The following KANK1 variants were observed in gnomAD, a reference collection of about 807,000 sequenced individuals.
The protein encoded by KANK1 is KN motif and ankyrin repeat domain-containing protein 1.
KANK1 carries 109 observed loss-of-function variants against 106.2 expected under a neutral mutation model. The ratio of observed to expected loss-of-function variants is 1.03; its 90% CI spans 0.88 to 1.20. The LOEUF is 1.20. Ranked by LOEUF, KANK1 falls within the 50% of genes most tolerant of loss-of-function variation. The pLI, the probability that KANK1 is intolerant of heterozygous loss-of-function variation, is 0.00. For missense variants in KANK1, 2,399 were observed against 1,710.7 expected (o/e 1.40, Z -7.10); for synonymous variants, 873 against 652.2 (o/e 1.34, Z -5.16).
chr9:611,609 C>T (rs561309879), intron 1 of KANK1, among the ~76,000 whole-genome samples: 1 of 152,278 alleles, frequency 6.6e-6, no homozygotes, highest in South Asian at 2.1e-4. Flanking sequence ...AAATTCAGAA[C>T]CTTTGACACT....
At position 743,702 on chromosome 9, in the gene KANK1, C is replaced by CA. The variant is rs199588404; in HGVS notation, c.3898-779dup. ...CAACATAGTGAGACTCCCATCTCTA[C>CA]AAAAAAAAAATTATCTAGGTGTGGT... On this transcript the variant is annotated intron_variant, in intron 10 of 11. Transcript: ENST00000382297. Among the ~76,000 whole-genome samples, 941 of 148,466 alleles carry CA rather than the reference C, an allele frequency of 6.3e-3. 13 individuals are homozygous for CA. The highest frequency in any genetic ancestry group is 0.052 in the East Asian group (264 of 5,084).
chr9:710,635 A>C (rs978166969), intron 2 of KANK1, among the ~76,000 whole-genome samples, 169 bp from the exon 3 acceptor site: 6 of 115,376 alleles, frequency 5.2e-5, no homozygotes, highest in East Asian at 4.2e-4. Context: ...AAAAACAAAA[A>C]AAAACAAAAA....
At chr9:566,136 G>A (rs141551466) in intron 1 of KANK1, among the ~76,000 whole-genome samples, 346 of 152,288 alleles carry the variant, frequency 2.3e-3, no homozygotes, top group African/African-American at 7.6e-3. Flanking sequence ...CTGTTCCTGC[G>A]TTAGTTTGCT....
chr9:631,253 A>G (rs1352629504), intron 1 of KANK1, among the ~76,000 whole-genome samples: 1 of 152,182 alleles, frequency 6.6e-6, no homozygotes, highest in African/African-American at 2.4e-5. Flanking sequence ...AAGCAGAATT[A>G]TCTATGCAAG....
rs1252076152 is a variant in KANK1, at chr9:604,218, A to G, written c.-83-72672A>G. On this transcript the variant is annotated intron_variant, in intron 1 of 11. Coordinates refer to ENST00000382297, the MANE Select transcript of KANK1 (RefSeq NM_015158.5). Reference sequence around the variant, plus strand: ...CCTGGAGACGTGGTAAACAATAATGATGATTCTAATAATGACCATTTATTG... The same window carrying G: ...CCTGGAGACGTGGTAAACAATAATGGTGATTCTAATAATGACCATTTATTG... Among the ~76,000 whole-genome samples, 3 of 151,830 alleles carry G rather than the reference A, an allele frequency of 2.0e-5. 1 individual carries two copies. Among genetic ancestry groups the G allele is most frequent in the Admixed American group, 6.5e-5 (1 of 15,280 alleles).
intron 1 of KANK1, among the ~76,000 whole-genome samples, chr9:581,672 A>C (rs888641138): frequency 6.6e-6 from 1 of 152,142 alleles, no homozygotes; most frequent in Non-Finnish European, 1.5e-5. Flanking sequence ...AGAAAGATTC[A>C]CCTCGATTAT....
chr9:530,077 T>A (rs1197067504), intron 1 of KANK1, among the ~76,000 whole-genome samples: 4 of 152,236 alleles, frequency 2.6e-5, no homozygotes, highest in African/African-American at 4.8e-5. Context: ...TATTTGTGTT[T>A]CTGCGAACTG....
intron 3 of KANK1, among the ~76,000 whole-genome samples, chr9:717,379 G>T (rs1015870917): frequency 3.3e-5 from 5 of 152,192 alleles, no homozygotes; most frequent in African/African-American, 1.2e-4. Flanking sequence ...GGTAGCCCGC[G>T]TGTGTTTGGT....
intron 1 of KANK1, among the ~76,000 whole-genome samples, chr9:655,540 G>T (rs1212089467): frequency 6.6e-6 from 1 of 152,176 alleles, no homozygotes; most frequent in African/African-American, 2.4e-5. Context: ...TTGCTGGAAT[G>T]CAGATTGATT....
chr9:711,301 T>A lies in KANK1; in HGVS notation c.535T>A (p.Phe179Ile). 1 of 1,613,514 alleles carries A rather than the reference T, an allele frequency of 6.2e-7. No individual in the cohort carries two copies. Among genetic ancestry groups the A allele is most frequent in the Non-Finnish European group, 8.5e-7 (1 of 1,179,868 alleles). ...CACCATGCAGATGACACCGGGTGAG[T>A]TCAGAAGGCCCAGGCTGGCCAGTTT... is the stretch of plus-strand genomic sequence containing the variant. ...RATMQMTPGEFRRPRLASFGG... is the reference protein window; with the variant it reads ...RATMQMTPGEIRRPRLASFGG... The change falls in exon 3 of 12, where the codon TTC becomes ATC. Residue 179 changes from phenylalanine to isoleucine, a missense_variant. By Grantham distance (21) the Phe-to-Ile change is conservative. Transcript: ENST00000382297.
chr9:499,038 C>T (rs1023851469), intron 3 of KANK1, among the ~76,000 whole-genome samples: 2 of 151,858 alleles, frequency 1.3e-5, no homozygotes, highest in Non-Finnish European at 2.9e-5. Flanking sequence ...ATTAGCCAGG[C>T]GTGGTGGCGA....
At chr9:607,041 T>C (rs1829378147) in intron 1 of KANK1, among the ~76,000 whole-genome samples, 1 of 151,818 alleles carries the variant, frequency 6.6e-6, no homozygotes, top group South Asian at 2.1e-4. Flanking sequence ...ATTCTAATTT[T>C]ATGTTTTCTT....
chr9:672,193 G>T (rs748049157), intron 1 of KANK1, among the ~76,000 whole-genome samples: 2 of 152,198 alleles, frequency 1.3e-5, no homozygotes, highest in African/African-American at 4.8e-5. Flanking sequence ...CATACTAGCT[G>T]TGTGATGTGA....
At position 656,734 on chromosome 9, in the gene KANK1, A is replaced by C. The variant is rs111583071; in HGVS notation, c.-83-20156A>C. Among the ~76,000 whole-genome samples the C allele has an allele frequency of 1.1e-3, 172 of 152,326 alleles. 1 individual carries two copies. Among genetic ancestry groups the C allele is most frequent in the African/African-American group, 3.9e-3 (164 of 41,572 alleles). On this transcript the variant is annotated intron_variant, in intron 1 of 11. Coordinates refer to ENST00000382297, the MANE Select transcript of KANK1 (RefSeq NM_015158.5). ...TGTCCTAGCAGGAGAGCCTGTGACA[A>C]TAAAAAAGCAGAGAATGTTCTGAGT...
chr9:687,608 C>T (rs2139323326), intron 2 of KANK1, among the ~76,000 whole-genome samples: 1 of 152,170 alleles, frequency 6.6e-6, no homozygotes, highest in South Asian at 2.1e-4. Context: ...CCCCACCCTG[C>T]CCTGTTCCCC....
chr9:605,194 A>C (rs542511571), intron 1 of KANK1, among the ~76,000 whole-genome samples: 1 of 150,674 alleles, frequency 6.6e-6, no homozygotes, highest in East Asian at 2.0e-4. Context: ...CCAGCTACTT[A>C]GGAGACTGAG....
chr9:744,082 G>T (rs1413800851), intron 10 of KANK1, among the ~76,000 whole-genome samples: 1 of 152,196 alleles, frequency 6.6e-6, no homozygotes, highest in Non-Finnish European at 1.5e-5. Context: ...AGGTGGTTTA[G>T]GGTTTTAGGA....
chr9:690,922 G>A (rs932899881), intron 2 of KANK1, among the ~76,000 whole-genome samples: 8 of 152,146 alleles, frequency 5.3e-5, no homozygotes, highest in Admixed American at 1.3e-4. Context: ...GCTACTCTCC[G>A]CCTGTCAGAG....
chr9:608,298 A>G (rs1829796452), intron 1 of KANK1, among the ~76,000 whole-genome samples: 1 of 151,518 alleles, frequency 6.6e-6, no homozygotes, highest in African/African-American at 2.4e-5. Flanking sequence ...CGGCCTCCCA[A>G]AGTGCTGGGA....
Sources: allele counts gnomAD v4.1 joint callset (sites outside exome capture counted in the v4.1 genomes callset), GRCh38; gene constraint gnomAD v4.1.1; transcripts MANE v1.5; gene names NCBI Gene and HGNC (gene_info 2026-07-23, HGNC 2026-07-21).